The following AFG2A variants were observed in gnomAD, a reference collection of about 807,000 sequenced individuals.
The protein encoded by AFG2A is ATPase family gene 2 protein homolog A.
the AFG2A span, among the ~76,000 whole-genome samples, chr4:123,147,075 T>A: frequency 6.6e-6 from 1 of 152,190 alleles, no homozygotes; most frequent in Admixed American, 6.5e-5. Context: ...TATTATATAT[T>A]TGTGTTCCCA....
At chr4:123,007,552 G>GTA in the AFG2A span, among the ~76,000 whole-genome samples, 5 of 66,208 alleles carry the variant, frequency 7.6e-5, no homozygotes, top group Non-Finnish European at 1.2e-4. Flanking sequence ...GTGTATGTAT[G>GTA]TGTGTGTGTG....
At chr4:123,250,371 G>A in the AFG2A span, among the ~76,000 whole-genome samples, 3 of 152,126 alleles carry the variant, frequency 2.0e-5, no homozygotes, top group South Asian at 6.2e-4. Context: ...TTACAGTAAT[G>A]ACTATGCAGT....
At chr4:123,112,041 G>A in the AFG2A span, among the ~76,000 whole-genome samples, 2 of 152,040 alleles carry the variant, frequency 1.3e-5, no homozygotes, top group African/African-American at 4.8e-5. Flanking sequence ...TATTTTAGAA[G>A]AACTTTATGA....
At chr4:122,984,298 T>G in the AFG2A span, among the ~76,000 whole-genome samples, 1 of 152,140 alleles carries the variant, frequency 6.6e-6, no homozygotes, top group Admixed American at 6.5e-5. Flanking sequence ...TATACATTAG[T>G]CTTGTATCTG....
chr4:123,088,896 A>G, the AFG2A span, among the ~76,000 whole-genome samples: 1 of 152,190 alleles, frequency 6.6e-6, no homozygotes, highest in East Asian at 1.9e-4. Flanking sequence ...TAACAGTGTG[A>G]GAACGGTCTA....
the AFG2A span, among the ~76,000 whole-genome samples, chr4:123,140,633 A>T: frequency 6.6e-6 from 1 of 152,052 alleles, no homozygotes; most frequent in Non-Finnish European, 1.5e-5. Context: ...CTTGTTTTTT[A>T]AAGTTGATTG....
chr4:123,028,427 C>G, the AFG2A span: 1 of 1,583,962 alleles, frequency 6.3e-7, no homozygotes. Context: ...TCGCTACTCT[C>G]TCTTGGCCTC....
chr4:123,024,304 CAA>C, the AFG2A span, among the ~76,000 whole-genome samples: 7 of 147,928 alleles, frequency 4.7e-5, no homozygotes, highest in East Asian at 1.2e-3. Flanking sequence ...ACAGACCCCC[CAA>C]AAAAAAATCA....
chr4:122,981,875 C>G, the AFG2A span, among the ~76,000 whole-genome samples: 1 of 151,172 alleles, frequency 6.6e-6, no homozygotes, highest in Admixed American at 6.6e-5. Context: ...TTACTGAATT[C>G]ATTTATTGGT....
At chr4:122,950,307 T>C in the AFG2A span, among the ~76,000 whole-genome samples, 1 of 152,006 alleles carries the variant, frequency 6.6e-6, no homozygotes, top group East Asian at 1.9e-4. Context: ...TTGTACTTTA[T>C]ATCTGGTAAA....
At chr4:123,243,514 A>C in the AFG2A span, among the ~76,000 whole-genome samples, 1 of 151,990 alleles carries the variant, frequency 6.6e-6, no homozygotes, top group Admixed American at 6.6e-5. Context: ...ACCAAACACC[A>C]CATGTTCTCA....
the AFG2A span, among the ~76,000 whole-genome samples, chr4:123,061,030 C>T: frequency 2.6e-5 from 4 of 152,182 alleles, no homozygotes; most frequent in South Asian, 8.3e-4. Context: ...CCAACATGTT[C>T]CTCATTTTCA....
At chr4:123,115,747 G>A in the AFG2A span, among the ~76,000 whole-genome samples, 2 of 152,166 alleles carry the variant, frequency 1.3e-5, no homozygotes, top group Admixed American at 6.5e-5. Context: ...AGCCGGTCCC[G>A]GCTGCCAAAG....
the AFG2A span, among the ~76,000 whole-genome samples, chr4:123,121,249 A>G: frequency 7.1e-6 from 1 of 140,758 alleles, no homozygotes; most frequent in African/African-American, 2.7e-5. Context: ...GTCAAAAAGT[A>G]AAAAAAAAAA....
the AFG2A span, among the ~76,000 whole-genome samples, chr4:123,287,950 C>T: frequency 3.3e-5 from 5 of 152,054 alleles, no homozygotes; most frequent in South Asian, 2.1e-4. Flanking sequence ...CCACATGCTC[C>T]GAACACGAGT....
the AFG2A span, among the ~76,000 whole-genome samples, chr4:123,299,116 A>AGTGTGTGT: frequency 1.1e-4 from 8 of 72,130 alleles, no homozygotes; most frequent in Non-Finnish European, 1.9e-4. Context: ...TGCATCTGCC[A>AGTGTGTGT]ATGTGTGTGT....
chr4:122,954,291 C>G, the AFG2A span, among the ~76,000 whole-genome samples: 1 of 152,216 alleles, frequency 6.6e-6, no homozygotes, highest in African/African-American at 2.4e-5. Context: ...GAAGCCACCT[C>G]TCAATCAACT....
the AFG2A span, among the ~76,000 whole-genome samples, chr4:123,297,444 G>A: frequency 1.3e-5 from 2 of 152,138 alleles, no homozygotes; most frequent in East Asian, 1.9e-4. Flanking sequence ...ACTAGAGGCC[G>A]GGTGTGGTGG....
chr4:123,095,600 A>C, the AFG2A span, among the ~76,000 whole-genome samples: 1 of 152,166 alleles, frequency 6.6e-6, no homozygotes, highest in African/African-American at 2.4e-5. Flanking sequence ...TCCTGTTATG[A>C]AGTAAAGACA....
Sources: allele counts gnomAD v4.1 joint callset (sites outside exome capture counted in the v4.1 genomes callset), GRCh38; gene constraint gnomAD v4.1.1; transcripts MANE v1.5; gene names NCBI Gene and HGNC (gene_info 2026-07-23, HGNC 2026-07-21).